Variants in RASA3 observed in about 807,000 individuals in gnomAD.
RASA3 encodes RAS p21 protein activator 3.
A neutral mutation model predicts 110.0 loss-of-function variants in RASA3; 73 were observed. The ratio of observed to expected loss-of-function variants is 0.66; its 90% CI spans 0.55 to 0.81. The LOEUF (loss-of-function observed/expected upper bound fraction) is 0.81. Among genes scored for constraint, RASA3 ranks in the 30% least tolerant of loss-of-function variants. The pLI is 0.00. For missense variants in RASA3, 976 were observed against 1,113.2 expected (o/e 0.88, Z 1.75); for synonymous variants, 500 against 451.4 (o/e 1.11, Z -1.37).
intron 1 of RASA3, among the ~76,000 whole-genome samples, chr13:114,119,067 C>G (rs530718185): frequency 1.3e-5 from 2 of 151,720 alleles, no homozygotes; most frequent in South Asian, 4.2e-4. Flanking sequence ...CGCTTTCCTC[C>G]TGACCCACCC....
At chr13:114,027,715 G>A (rs752210484) in intron 6 of RASA3, 132 bp downstream of exon 6, 2 of 1,008,134 alleles carry the variant, frequency 2.0e-6, no homozygotes, top group Non-Finnish European at 3.1e-6. Flanking sequence ...ACAAAAGGAA[G>A]TAAAAATTCA....
intron 1 of RASA3, among the ~76,000 whole-genome samples, chr13:114,088,555 T>TTTTCC (rs141354511): frequency 6.8e-6 from 1 of 148,088 alleles, no homozygotes; most frequent in Non-Finnish European, 1.5e-5. Flanking sequence ...CCCAAATTAA[T>TTTTCC]TTTTTTTTTT....
chr13:113,981,420 T>C (rs143823186), intron 23 of RASA3, among the ~76,000 whole-genome samples: 1 of 152,130 alleles, frequency 6.6e-6, no homozygotes, highest in African/African-American at 2.4e-5. Flanking sequence ...AGGAAGCAGG[T>C]CAGGGAGGCA....
At chr13:114,018,421 G>T (rs1427115146) in intron 10 of RASA3, among the ~76,000 whole-genome samples, 169 bp from the exon 11 acceptor site, 2 of 152,194 alleles carry the variant, frequency 1.3e-5, no homozygotes, top group Non-Finnish European at 2.9e-5. Flanking sequence ...CTGCTGCTTG[G>T]CTGGACCCTT....
chr13:114,033,267 T>C (rs1262578263), intron 4 of RASA3, among the ~76,000 whole-genome samples: 1 of 58,552 alleles, frequency 1.7e-5, no homozygotes, highest in Non-Finnish European at 3.1e-5. Context: ...GACACCACGT[T>C]CCATGGCACC....
chr13:114,037,655 G>A (rs918376705), intron 4 of RASA3, among the ~76,000 whole-genome samples: 2 of 152,154 alleles, frequency 1.3e-5, no homozygotes, highest in African/African-American at 2.4e-5. Flanking sequence ...CATTTTAAAT[G>A]GTTAAAATGG....
Position 113,992,594 on chromosome 13 carries a change from C to G in RASA3, c.2142-6G>C, listed in dbSNP as rs766150870. 13 of 1,605,892 alleles carry G rather than the reference C, an allele frequency of 8.1e-6. No homozygotes were observed. In the Admixed American group the frequency reaches 2.2e-4, roughly 27 times the overall value. On this transcript the variant is annotated splice_polypyrimidine_tract_variant and splice_region_variant and intron_variant, in intron 21 of 23. Coordinates refer to ENST00000334062, the MANE Select transcript of RASA3 (RefSeq NM_007368.4). ...GGATGTTGGCTGGGAGGCCGCTGTC[C>G]AGACACAGCAAGAACAGAAAGATAA...
rs1206820271 is a variant in RASA3 at position 113,988,603 on chromosome 13, C to T, written c.2245+3882G>A. The stretch of plus-strand genomic sequence containing the variant: ...ATCCACCCATCACTCATCCATCTGT[C>T]TATCCACCCATCACTCACCCCAGTC... On this transcript the variant is annotated intron_variant, in intron 22 of 23. Transcript: ENST00000334062. Among the ~76,000 whole-genome samples, 151 of 55,238 alleles carry T rather than the reference C, an allele frequency of 2.7e-3. 38 individuals are homozygous for T. The highest frequency in any genetic ancestry group is 0.016 in the South Asian group (23 of 1,400). The allele number at this position is 55,238 out of a possible 152,430, so 36.2% of individuals were successfully genotyped here.
chr13:114,049,966 C>G (rs1001371944), intron 3 of RASA3, among the ~76,000 whole-genome samples: 1 of 152,202 alleles, frequency 6.6e-6, no homozygotes, highest in Non-Finnish European at 1.5e-5. Context: ...GGCCCCAGTC[C>G]CAGAGGTGGG....
rs1035522371 is a variant in RASA3, at chr13:114,065,002, T to C, written c.173+8718A>G. On this transcript the variant is annotated intron_variant, in intron 2 of 23. Transcript: ENST00000334062. The surrounding 1 kb of genome is among the most constrained non-coding windows in gnomAD (Gnocchi z 4.1). ...CAAAGTCTCCTTTCCCTCAGTCATTTCTGGAAGAAGTGCAAATGAAGTTTC... is the reference window on the plus strand; with the variant it reads ...CAAAGTCTCCTTTCCCTCAGTCATTCCTGGAAGAAGTGCAAATGAAGTTTC... Among the ~76,000 whole-genome samples the C allele has an allele frequency of 6.6e-6, 1 of 152,254 alleles. No homozygotes were observed. Among genetic ancestry groups the C allele is most frequent in the Non-Finnish European group, 1.5e-5 (1 of 68,044 alleles).
At chr13:114,024,092 G>A (rs1396782452) in intron 8 of RASA3, among the ~76,000 whole-genome samples, 187 bp downstream of exon 8, 1 of 152,228 alleles carries the variant, frequency 6.6e-6, no homozygotes. Flanking sequence ...GGTATTGCAA[G>A]GTGAGCCCTA....
Position 113,995,943 on chromosome 13 carries a change from G to A in RASA3, c.2141+588C>T, listed in dbSNP as rs1472895004. 8.0e-5 allele frequency among the ~76,000 whole-genome samples: 4 copies of A among 50,000 alleles called. 2 individuals are homozygous for A. The highest frequency in any genetic ancestry group is 3.0e-4 in the African/African-American group (2 of 6,672). 32.8% of individuals were successfully genotyped at this position (50,000 alleles called of 152,430 possible). ...GGGGGCCCGGCTAATGGGGGGGCCCGGCTAATGGGGGGCCCGGCTGATGGG... is the reference window on the plus strand; with the variant it reads ...GGGGGCCCGGCTAATGGGGGGGCCCAGCTAATGGGGGGCCCGGCTGATGGG... On this transcript the variant is annotated intron_variant, in intron 21 of 23. Transcript: ENST00000334062.
At chr13:113,980,382 C>T (rs2052900932) in intron 23 of RASA3, among the ~76,000 whole-genome samples, 1 of 145,510 alleles carries the variant, frequency 6.9e-6, no homozygotes, top group South Asian at 2.2e-4. Context: ...CGTGTGTGTG[C>T]CTCCTCCCAC....
chr13:114,007,479 C>A (rs1338437531), intron 18 of RASA3, 54 bp downstream of exon 18: 1 of 1,239,616 alleles, frequency 8.1e-7, no homozygotes, highest in African/African-American at 1.6e-5. Context: ...CTGCTGGACA[C>A]CACCTTACCC....
At chr13:114,012,060 A>T (rs371381034) in intron 15 of RASA3, among the ~76,000 whole-genome samples, 1 of 151,968 alleles carries the variant, frequency 6.6e-6, no homozygotes, top group South Asian at 2.1e-4. Flanking sequence ...CAGCAACCAC[A>T]TTGGGGCCTG....
Position 114,069,707 on chromosome 13 carries a change from G to A in RASA3, c.173+4013C>T, listed in dbSNP as rs9525371. Among the ~76,000 whole-genome samples the A allele has an allele frequency of 1.2e-3, 29 of 23,254 alleles. 1 individual carries two copies. The East Asian group carries it at 0.013, about 11-fold the overall frequency. The allele number at this position is 23,254 out of a possible 152,430, so 15.3% of individuals were successfully genotyped here. A position where few individuals can be genotyped will look rare whatever the true frequency, so the allele number is the denominator to read the frequency against. On this transcript the variant is annotated intron_variant, in intron 2 of 23. Transcript: ENST00000334062. ...ACTGGGGGGCCAGGAGACTCGGGGGGCCAGGAGACTTGGGGGGCTGGGAGG... is the reference window on the plus strand; with the variant it reads ...ACTGGGGGGCCAGGAGACTCGGGGGACCAGGAGACTTGGGGGGCTGGGAGG...
Position 114,057,945 on chromosome 13 carries a change from C to A in RASA3, c.174-5790G>T, listed in dbSNP as rs976051518. ...GGTGTTTCCAATGTGCTGAAGAGGG[C>A]AGGGCCTGGCTGAGGCCCTGGGAGG... On this transcript the variant is annotated intron_variant, in intron 2 of 23. Transcript: ENST00000334062. The surrounding 1 kb of genome is among the most constrained non-coding windows in gnomAD (Gnocchi z 5.0). Among the ~76,000 whole-genome samples, 1 of 152,138 alleles carries A rather than the reference C, an allele frequency of 6.6e-6. No homozygotes were observed. The highest frequency in any genetic ancestry group is 2.4e-5 in the African/African-American group (1 of 41,436).
intron 14 of RASA3, among the ~76,000 whole-genome samples, chr13:114,013,644 C>T (rs1270411767): frequency 2.1e-5 from 3 of 144,344 alleles, no homozygotes; most frequent in Non-Finnish European, 3.0e-5. Context: ...CTCTCCATCT[C>T]TTTGTCTCTC....
Position 114,011,076 on chromosome 13 carries a change from C to T in RASA3, c.1590+95G>A. On this transcript the variant is annotated intron_variant, in intron 16 of 23. Transcript: ENST00000334062. The surrounding 1 kb of genome is among the most constrained non-coding windows in gnomAD (Gnocchi z 4.8). ...TTGATTCTTGATCTTTATCTTACGA[C>T]TCTCTCAAATGTGGGAGGTTTTTCA... The T allele has an allele frequency of 1.7e-6, 2 of 1,147,390 alleles. No homozygotes were observed. Among genetic ancestry groups the T allele is most frequent in the Admixed American group, 2.0e-5 (1 of 49,916 alleles). 71.1% of individuals were successfully genotyped at this position (1,147,390 alleles called of 1,614,324 possible).
Sources: allele counts gnomAD v4.1 joint callset (sites outside exome capture counted in the v4.1 genomes callset), GRCh38; gene constraint gnomAD v4.1.1; non-coding constraint Gnocchi (gnomAD v3.1); transcripts MANE v1.5; gene names NCBI Gene and HGNC (gene_info 2026-07-23, HGNC 2026-07-21).